The following GALNT18 variants were observed in gnomAD, a reference collection of about 807,000 sequenced individuals.
GALNT18 encodes GalNAc-transferase 18.
GALNT18 carries 44 observed loss-of-function variants against 69.5 expected under a neutral mutation model. That is an observed-to-expected ratio of 0.63 (90% CI 0.50 to 0.81). The LOEUF (loss-of-function observed/expected upper bound fraction) is 0.81. GALNT18 is among the 40% of genes least tolerant of loss of function. The probability of loss-of-function intolerance (pLI) is 0.00; values close to 1 mark genes in which losing one functional copy is unlikely to be tolerated. For missense variants in GALNT18, 715 were observed against 810.0 expected (o/e 0.88, Z 1.42); for synonymous variants, 364 against 318.2 (o/e 1.14, Z -1.53).
Position 11,538,383 on chromosome 11 carries a change from A to C in GALNT18, c.235+82976T>G, listed in dbSNP as rs533414123. Among the ~76,000 whole-genome samples, 3 of 152,182 alleles carry C rather than the reference A, an allele frequency of 2.0e-5. No individual in the cohort carries two copies. Among genetic ancestry groups the C allele is most frequent in the Admixed American group, 1.3e-4 (2 of 15,296 alleles). On this transcript the variant is annotated intron_variant, in intron 1 of 10. Coordinates refer to ENST00000227756, the MANE Select transcript of GALNT18 (RefSeq NM_198516.3). This position sits in a 1 kb window ranked among gnomAD's most constrained non-coding sequence, Gnocchi z 5.2. ...GGGCTGCTCTTTCTGCCGCATGTTC[A>C]TTTCAGCTGAGCCACCCGGGGTGTC...
At chr11:11,427,570 A>G (rs992307624) in intron 3 of GALNT18, among the ~76,000 whole-genome samples, 1 of 152,098 alleles carries the variant, frequency 6.6e-6, no homozygotes, top group Non-Finnish European at 1.5e-5. Context: ...CCTCCCAACA[A>G]CCCCTGAGGT....
intron 1 of GALNT18, among the ~76,000 whole-genome samples, chr11:11,450,894 C>T (rs1855778823): frequency 6.6e-6 from 1 of 152,154 alleles, no homozygotes; most frequent in Admixed American, 6.5e-5. Context: ...GGATTTCAGT[C>T]CTGGGAAGGC....
chr11:11,496,882 G>T lies in GALNT18; in HGVS notation c.236-47946C>A, dbSNP rs969295881. Among the ~76,000 whole-genome samples, 1 of 152,132 alleles carries T rather than the reference G, an allele frequency of 6.6e-6. No individual in the cohort carries two copies. Among genetic ancestry groups the T allele is most frequent in the Non-Finnish European group, 1.5e-5 (1 of 68,028 alleles). On this transcript the variant is annotated intron_variant, in intron 1 of 10. Coordinates refer to ENST00000227756, the MANE Select transcript of GALNT18 (RefSeq NM_198516.3). The surrounding 1 kb of genome is among the most constrained non-coding windows in gnomAD (Gnocchi z 4.0). Reference sequence around the variant, plus strand: ...ACCCATCAACCACAGTAACCAGAGTGAACTTCTAGAAACACAAATCAGATC... The same window carrying T: ...ACCCATCAACCACAGTAACCAGAGTTAACTTCTAGAAACACAAATCAGATC...
chr11:11,611,406 G>A (rs781402693), intron 1 of GALNT18, among the ~76,000 whole-genome samples: 13 of 152,246 alleles, frequency 8.5e-5, no homozygotes, highest in Admixed American at 2.0e-4. Context: ...GGAAGGGGCT[G>A]TGGACCCTCA....
intron 1 of GALNT18, among the ~76,000 whole-genome samples, chr11:11,485,571 C>T (rs964067762): frequency 1.3e-5 from 2 of 152,200 alleles, no homozygotes; most frequent in African/African-American, 4.8e-5. Context: ...TGGCCAGACA[C>T]AATTCCTTTT....
At chr11:11,556,878 A>T (rs137855366) in intron 1 of GALNT18, among the ~76,000 whole-genome samples, 1 of 152,366 alleles carries the variant, frequency 6.6e-6, no homozygotes, top group East Asian at 1.9e-4. Context: ...AAAGGTGTAC[A>T]GATCCTATTA....
intron 4 of GALNT18, 136 bp downstream of exon 4, chr11:11,378,945 C>T (rs1017427410): frequency 7.6e-5 from 64 of 845,672 alleles, no homozygotes; most frequent in Non-Finnish European, 1.1e-4. Flanking sequence ...CTCACTCACA[C>T]ACCTACATCT....
In GALNT18 at chr11:11,551,863, C is replaced by T. The variant is rs553743034; in HGVS notation, c.235+69496G>A. On this transcript the variant is annotated intron_variant, in intron 1 of 10. Coordinates refer to ENST00000227756, the MANE Select transcript of GALNT18 (RefSeq NM_198516.3). ...CGGTGGAGTTAGGAGCAATGTTCTGCGAGCAGGGGGTGGATCTCACAAAGT... is the reference window on the plus strand; with the variant it reads ...CGGTGGAGTTAGGAGCAATGTTCTGTGAGCAGGGGGTGGATCTCACAAAGT... Among the ~76,000 whole-genome samples, 149 of 152,084 alleles carry T rather than the reference C, an allele frequency of 9.8e-4. 1 individual carries two copies. Among genetic ancestry groups the T allele is most frequent in the African/African-American group, 3.4e-3 (142 of 41,482 alleles).
At chr11:11,284,679 A>G (rs1439888580) in intron 10 of GALNT18, among the ~76,000 whole-genome samples, 2 of 152,034 alleles carry the variant, frequency 1.3e-5, no homozygotes, top group African/African-American at 4.8e-5. Flanking sequence ...TTCTTTTTTA[A>G]TTAATTTTCC....
rs1035390326 is a variant in GALNT18, at chr11:11,500,399, A to G, written c.236-51463T>C. Among the ~76,000 whole-genome samples, 2 of 152,188 alleles carry G rather than the reference A, an allele frequency of 1.3e-5. No individual in the cohort carries two copies. The highest frequency in any genetic ancestry group is 2.9e-5 in the Non-Finnish European group (2 of 68,042). ...TCTGAGGCTTCATTTCCTCACATGG[A>G]AAGTGGTGATGGTAACACCTACCTC... On this transcript the variant is annotated intron_variant, in intron 1 of 10. Transcript: ENST00000227756. The surrounding 1 kb of genome is among the most constrained non-coding windows in gnomAD (Gnocchi z 5.0).
rs1856514901 is a variant in GALNT18, at chr11:11,480,967, G to A, written c.236-32031C>T. ...ATGTGACTGGGGAGCCCTTCTTTGT[G>A]GACACATCCCAGGACTGATGTGCCA... is the stretch of plus-strand genomic sequence containing the variant. On this transcript the variant is annotated intron_variant, in intron 1 of 10. Coordinates refer to ENST00000227756, the MANE Select transcript of GALNT18 (RefSeq NM_198516.3). This position sits in a 1 kb window ranked among gnomAD's most constrained non-coding sequence, Gnocchi z 4.6. Among the ~76,000 whole-genome samples the A allele has an allele frequency of 6.6e-6, 1 of 152,078 alleles. No homozygotes were observed. Among genetic ancestry groups the A allele is most frequent in the African/African-American group, 2.4e-5 (1 of 41,390 alleles).
rs1850928207 is a variant in GALNT18, at chr11:11,372,365, T to G, written c.1092+150A>C. 1 of 647,528 alleles carries G rather than the reference T, an allele frequency of 1.5e-6. No individual in the cohort carries two copies. Among genetic ancestry groups the G allele is most frequent in the South Asian group, 2.0e-5 (1 of 50,494 alleles). 40.1% of individuals were successfully genotyped at this position (647,528 alleles called of 1,614,324 possible). ...AAAAGTCAAGAGGCTCCACCCTGTG[T>G]CTTCCCAATCCCAATCACACACAGG... is the stretch of plus-strand genomic sequence containing the variant. On this transcript the variant is annotated intron_variant, in intron 6 of 10. Coordinates refer to ENST00000227756, the MANE Select transcript of GALNT18 (RefSeq NM_198516.3). The surrounding 1 kb of genome is among the most constrained non-coding windows in gnomAD (Gnocchi z 4.9).
intron 9 of GALNT18, among the ~76,000 whole-genome samples, chr11:11,295,617 A>C (rs537049830): frequency 3.7e-4 from 56 of 152,188 alleles, no homozygotes; most frequent in African/African-American, 1.0e-3. Flanking sequence ...ATGTTCCATA[A>C]CGTCAGCCTC....
chr11:11,582,316 G>A lies in GALNT18; in HGVS notation c.235+39043C>T, dbSNP rs147011942. 1.3e-4 allele frequency among the ~76,000 whole-genome samples: 20 copies of A among 152,330 alleles called. No individual in the cohort carries two copies. Among genetic ancestry groups the A allele is most frequent in the Non-Finnish European group, 1.5e-4 (10 of 68,036 alleles). On this transcript the variant is annotated intron_variant, in intron 1 of 10. Transcript: ENST00000227756. The surrounding 1 kb of genome is among the most constrained non-coding windows in gnomAD (Gnocchi z 5.0). ...GCAGGGAGCTGGGCATGGCCAGGAG[G>A]CAAAGGGCCTTTGTTCCCAATCATT... is the stretch of plus-strand genomic sequence containing the variant.
chr11:11,525,473 C>CT (rs1326996486), intron 1 of GALNT18, among the ~76,000 whole-genome samples: 1 of 151,890 alleles, frequency 6.6e-6, no homozygotes, highest in Non-Finnish European at 1.5e-5. Context: ...ATCGGTAAGA[C>CT]TTGATTGGAT....
In GALNT18 at chr11:11,620,689, G is replaced by A. The variant is rs145303007; in HGVS notation, c.235+670C>T. On this transcript the variant is annotated intron_variant, in intron 1 of 10. Transcript: ENST00000227756. This position sits in a 1 kb window ranked among gnomAD's most constrained non-coding sequence, Gnocchi z 6.9. ...GACAGAGACTCCAGCGCTACTTCCC[G>A]GCGTTGACACCTGCTCCTGGAGAGG... Among the ~76,000 whole-genome samples the A allele has an allele frequency of 7.4e-4, 113 of 152,208 alleles. 2 individuals are homozygous for A. In the East Asian group the frequency reaches 0.019, roughly 26 times the overall value.
chr11:11,307,326 T>C (rs1482285225), intron 9 of GALNT18, among the ~76,000 whole-genome samples: 1 of 152,218 alleles, frequency 6.6e-6, no homozygotes, highest in Non-Finnish European at 1.5e-5. Flanking sequence ...TATCCCCTCC[T>C]GATGGACAAA....
intron 9 of GALNT18, among the ~76,000 whole-genome samples, chr11:11,293,815 T>C (rs1849350001): frequency 6.6e-6 from 1 of 152,200 alleles, no homozygotes; most frequent in African/African-American, 2.4e-5. Flanking sequence ...ACAGATTGCC[T>C]GATTTCCTCC....
chr11:11,526,419 G>T (rs1293654692), intron 1 of GALNT18, among the ~76,000 whole-genome samples: 1 of 152,116 alleles, frequency 6.6e-6, no homozygotes, highest in African/African-American at 2.4e-5. Flanking sequence ...TCCCTTTCTG[G>T]CATGTATAGT....
Sources: allele counts gnomAD v4.1 joint callset (sites outside exome capture counted in the v4.1 genomes callset), GRCh38; gene constraint gnomAD v4.1.1; non-coding constraint Gnocchi (gnomAD v3.1); transcripts MANE v1.5; gene names NCBI Gene and HGNC (gene_info 2026-07-23, HGNC 2026-07-21).